The following DAPK1 variants were observed in gnomAD, a reference collection of about 807,000 sequenced individuals.
The protein encoded by DAPK1 is death-associated protein kinase 1.
Under a neutral mutation model 144.9 loss-of-function variants are expected in DAPK1, and 56 were observed. That is an observed-to-expected ratio of 0.39 (90% CI 0.31 to 0.48). The LOEUF (loss-of-function observed/expected upper bound fraction) is 0.48, where lower values mean the gene tolerates loss of function less well. Among genes scored for constraint, DAPK1 ranks in the 20% least tolerant of loss-of-function variants. DAPK1 has a pLI of 0.95. For missense variants in DAPK1, 1,454 were observed against 1,875.4 expected, an observed-to-expected ratio of 0.78 and a Z score of 4.15; for synonymous variants, 690 against 749.0, an observed-to-expected ratio of 0.92 and a Z score of 1.29.
intron 2 of DAPK1, among the ~76,000 whole-genome samples, chr9:87,544,119 T>A (rs1029556501): frequency 6.6e-6 from 1 of 152,164 alleles, no homozygotes; most frequent in Admixed American, 6.5e-5. Flanking sequence ...TATCTAAATT[T>A]TAGAAAAATG....
rs1459476711 is a variant in DAPK1 at position 87,498,014 on chromosome 9, T to C, written c.-202T>C. On this transcript the variant is annotated 5_prime_UTR_variant, in exon 1 of 26. Coordinates refer to ENST00000408954, the MANE Select transcript of DAPK1 (RefSeq NM_004938.4). ...CCCCCCACTCACTCCCTAGCTGTGTTCCCGCCGCCGCCCCGGCTAGTCTCC... is the reference window on the plus strand; with the variant it reads ...CCCCCCACTCACTCCCTAGCTGTGTCCCCGCCGCCGCCCCGGCTAGTCTCC... 1 of 397,600 alleles carries C rather than the reference T, an allele frequency of 2.5e-6. No individual in the cohort carries two copies. The highest frequency in any genetic ancestry group is 2.1e-5 in the African/African-American group (1 of 48,582). 24.6% of individuals were successfully genotyped at this position (397,600 alleles called of 1,614,324 possible).
At position 87,650,026 on chromosome 9, in the gene DAPK1, G is replaced by A. The variant is rs1289639039; in HGVS notation, c.1534G>A (p.Glu512Lys). The change falls in exon 16 of 26, where the codon GAG (glutamate) becomes AAG (lysine). Residue 512 changes from glutamate to lysine, a missense_variant. By Grantham distance (56) the Glu-to-Lys change is moderately conservative. Coordinates refer to ENST00000408954, the MANE Select transcript of DAPK1 (RefSeq NM_004938.4). ...CNVNIKNREGETPLLTASARG... is the reference protein window; with the variant it reads ...CNVNIKNREGKTPLLTASARG... ...CGTGAACATCAAGAACCGAGAAGGA[G>A]AGACGCCCCTCCTGACAGCCTCTGC... 1.2e-6 allele frequency: 2 copies of A among 1,614,178 alleles called. No homozygotes were observed. Among genetic ancestry groups the A allele is most frequent in the Non-Finnish European group, 1.7e-6 (2 of 1,180,036 alleles).
At chr9:87,531,043 A>G (rs1825679885) in intron 2 of DAPK1, among the ~76,000 whole-genome samples, 1 of 152,236 alleles carries the variant, frequency 6.6e-6, no homozygotes. Context: ...AAGTGGAAGC[A>G]TGGATATATT....
At chr9:87,536,309 G>A (rs1016482093) in intron 2 of DAPK1, among the ~76,000 whole-genome samples, 2 of 152,204 alleles carry the variant, frequency 1.3e-5, no homozygotes, top group Admixed American at 6.5e-5. Context: ...AGGGTAGAAG[G>A]TGTAAGTCTT....
intron 2 of DAPK1, among the ~76,000 whole-genome samples, chr9:87,533,938 C>T (rs761064978): frequency 2.9e-4 from 44 of 152,202 alleles, no homozygotes; most frequent in Admixed American, 5.2e-4. Flanking sequence ...GCTAGGATTA[C>T]AGGTGTGAGC....
At chr9:87,641,895 T>C (rs1830109196) in intron 9 of DAPK1, 74 bp from the exon 10 acceptor site, 2 of 1,221,684 alleles carry the variant, frequency 1.6e-6, no homozygotes, top group East Asian at 4.7e-5. Context: ...TAAGGAGATG[T>C]TTCAAAAAAT....
Position 87,646,719 on chromosome 9 carries a change from C to T in DAPK1, c.1230+160C>T, listed in dbSNP as rs141050584. 1.9e-3 allele frequency among the ~76,000 whole-genome samples: 295 copies of T among 152,314 alleles called. 1 individual carries two copies. Among genetic ancestry groups the T allele is most frequent in the African/African-American group, 6.8e-3 (281 of 41,564 alleles). ...TTAAACAGCTTGGTACAGCCTGACACATGGGTTAAAGAGGCAAACATTTAT... is the reference window on the plus strand; with the variant it reads ...TTAAACAGCTTGGTACAGCCTGACATATGGGTTAAAGAGGCAAACATTTAT... On this transcript the variant is annotated intron_variant, in intron 13 of 25. Transcript: ENST00000408954.
chr9:87,548,913 C>CTTTTTTTTTTTTTTT (rs11291160), intron 2 of DAPK1, among the ~76,000 whole-genome samples: 4 of 63,870 alleles, frequency 6.3e-5, no homozygotes, highest in Non-Finnish European at 7.9e-5. Flanking sequence ...GATTTCATTC[C>CTTTTTTTTTTTTTTT]TTTTTTTTTT....
rs182510055 is a variant in DAPK1 at position 87,511,774 on chromosome 9, G to A, written c.62+12635G>A. 2.4e-4 allele frequency among the ~76,000 whole-genome samples: 36 copies of A among 151,296 alleles called. No individual in the cohort carries two copies. The East Asian group carries it at 4.9e-3, about 21-fold the overall frequency. On this transcript the variant is annotated intron_variant, in intron 2 of 25. Coordinates refer to ENST00000408954, the MANE Select transcript of DAPK1 (RefSeq NM_004938.4). ...CACCCGGCCTGGAGTGCAGTGGCGC[G>A]ATCTCGGCTCACTGCAACCTCCGCC...
Position 87,535,552 on chromosome 9 carries a change from T to G in DAPK1, c.62+36413T>G, listed in dbSNP as rs36231153. Among the ~76,000 whole-genome samples the G allele has an allele frequency of 5.5e-3, 834 of 152,306 alleles. 11 individuals carry two copies. The highest frequency in any genetic ancestry group is 0.019 in the African/African-American group (796 of 41,562). On this transcript the variant is annotated intron_variant, in intron 2 of 25. Transcript: ENST00000408954. The stretch of plus-strand genomic sequence containing the variant: ...TCAAATATATAATGTTCCTTTAATG[T>G]AATACTGTCTATAAATGTGATTTTT...
At chr9:87,628,798 T>A (rs892638661) in intron 3 of DAPK1, among the ~76,000 whole-genome samples, 1 of 152,176 alleles carries the variant, frequency 6.6e-6, no homozygotes, top group Non-Finnish European at 1.5e-5. Flanking sequence ...GATATATATT[T>A]CTCATCCACA....
intron 20 of DAPK1, among the ~76,000 whole-genome samples, chr9:87,682,914 G>A (rs1375893048): frequency 1.3e-5 from 2 of 151,968 alleles, no homozygotes; most frequent in African/African-American, 4.8e-5. Flanking sequence ...GAATTCACAG[G>A]CACACCTTTC....
chr9:87,586,292 A>G (rs1827940783), intron 2 of DAPK1, among the ~76,000 whole-genome samples: 1 of 152,174 alleles, frequency 6.6e-6, no homozygotes, highest in Non-Finnish European at 1.5e-5. Flanking sequence ...CCTGTCTCCA[A>G]GAAAGAGAAG....
At chr9:87,688,588 G>A (rs1385465212) in intron 21 of DAPK1, among the ~76,000 whole-genome samples, 4 of 152,052 alleles carry the variant, frequency 2.6e-5, no homozygotes, top group African/African-American at 9.7e-5. Flanking sequence ...GCCCTCACCA[G>A]CATCTCTTGT....
At chr9:87,593,060 C>T (rs1828191963) in intron 2 of DAPK1, among the ~76,000 whole-genome samples, 1 of 152,214 alleles carries the variant, frequency 6.6e-6, no homozygotes, top group African/African-American at 2.4e-5. Flanking sequence ...CTCACTGCCT[C>T]CCTGAGACCT....
rs1366899742 is a variant in DAPK1 at position 87,599,727 on chromosome 9, G to A, written c.63-5227G>A. 2.0e-5 allele frequency among the ~76,000 whole-genome samples: 3 copies of A among 152,188 alleles called. No homozygotes were observed. In the East Asian group the frequency reaches 5.8e-4, roughly 29 times the overall value. On this transcript the variant is annotated intron_variant, in intron 2 of 25. Coordinates refer to ENST00000408954, the MANE Select transcript of DAPK1 (RefSeq NM_004938.4). ...TTAGTGCATTTTTTGGGGAAAAAAAGTTGGTGTACAGTTGACTTTCATTAT... is the reference window on the plus strand; with the variant it reads ...TTAGTGCATTTTTTGGGGAAAAAAAATTGGTGTACAGTTGACTTTCATTAT...
intron 2 of DAPK1, among the ~76,000 whole-genome samples, chr9:87,540,350 T>C (rs573835537): frequency 6.6e-6 from 1 of 152,068 alleles, no homozygotes; most frequent in Non-Finnish European, 1.5e-5. Context: ...CCACCATGCC[T>C]GGCTAATTTT....
intron 3 of DAPK1, among the ~76,000 whole-genome samples, chr9:87,615,954 A>G (rs1829080989): frequency 6.6e-6 from 1 of 152,206 alleles, no homozygotes. Context: ...GCAAGGCCCC[A>G]TTGTCTGTGG....
At chr9:87,571,160 C>T (rs914485065) in intron 2 of DAPK1, among the ~76,000 whole-genome samples, 1 of 152,034 alleles carries the variant, frequency 6.6e-6, no homozygotes, top group African/African-American at 2.4e-5. Flanking sequence ...TACACACACA[C>T]TAAGGGAACA....
Sources: allele counts gnomAD v4.1 joint callset (sites outside exome capture counted in the v4.1 genomes callset), GRCh38; gene constraint gnomAD v4.1.1; transcripts MANE v1.5; gene names NCBI Gene and HGNC (gene_info 2026-07-23, HGNC 2026-07-21).